The following PDAP1 variants were observed in gnomAD, a reference collection of about 807,000 sequenced individuals.
PDAP1 encodes 28 kDa heat- and acid-stable phosphoprotein.
A neutral mutation model predicts 28.0 loss-of-function variants in PDAP1; 13 were observed. The observed-to-expected ratio is 0.46, with a 90% CI of 0.30 to 0.74. The LOEUF is 0.74. Among genes scored for constraint, PDAP1 ranks in the 30% least tolerant of loss-of-function variants. The pLI is 0.07. For synonymous variants in PDAP1, 77 were observed against 85.1 expected, an observed-to-expected ratio of 0.91 and a Z score of 0.52; for missense variants, 150 against 230.0, an observed-to-expected ratio of 0.65 and a Z score of 2.25.
At chr7:99,404,740 C>G in intron 2 of PDAP1, 122 bp downstream of exon 2, 1 of 685,222 alleles carries the variant, frequency 1.5e-6, no homozygotes, top group East Asian at 2.7e-5. Context: ...TCACTGCCCG[C>G]CCGACCCCCA....
chr7:99,400,373 C>T lies in PDAP1; in HGVS notation c.265G>A (p.Val89Met). The T allele has an allele frequency of 6.2e-7, 1 of 1,614,094 alleles. No homozygotes were observed. Among genetic ancestry groups the T allele is most frequent in the Non-Finnish European group, 8.5e-7 (1 of 1,179,966 alleles). The change falls in exon 4 of 6, where the codon GTG (valine) becomes ATG (methionine). Residue 89 changes from valine to methionine, a missense_variant. By Grantham distance (21) the Val-to-Met change is conservative. Coordinates refer to ENST00000350498, the MANE Select transcript of PDAP1 (RefSeq NM_014891.7). ...GLIDIENPNR[V>M]AQTTKKVTQL... is the part of the protein sequence containing the mutation. ...GTGACCTTTTTGGTTGTCTGTGCCA[C>T]CCGGTTGGGGTTCTCGATGTCGATG... is the stretch of plus-strand genomic sequence containing the variant.
intron 3 of PDAP1, among the ~76,000 whole-genome samples, chr7:99,402,648 T>TGGGGCA (rs1794894122): frequency 6.7e-6 from 1 of 149,396 alleles, no homozygotes; most frequent in Non-Finnish European, 1.5e-5. Flanking sequence ...TTTGGGAGGC[T>TGGGGCA]GATGCGGGTG....
rs140429100 is a variant in PDAP1 at position 99,397,842 on chromosome 7, G to A, written c.487+20C>T. 0.017 allele frequency: 28,104 copies of A among 1,610,600 alleles called. 312 individuals are homozygous for A. The highest frequency in any genetic ancestry group is 0.02 in the Non-Finnish European group (23,324 of 1,179,018). On this transcript the variant is annotated intron_variant, in intron 5 of 5. Coordinates refer to ENST00000350498, the MANE Select transcript of PDAP1 (RefSeq NM_014891.7). ...GACCAGAGTTGGGGCCTGTCCCTGCGTGCGCAGCCCAGCCCTTACCTTTCC... is the reference window on the plus strand; with the variant it reads ...GACCAGAGTTGGGGCCTGTCCCTGCATGCGCAGCCCAGCCCTTACCTTTCC...
At position 99,396,670 on chromosome 7, in the gene PDAP1, C is replaced by G; in HGVS notation, c.*12G>C. On this transcript the variant is annotated 3_prime_UTR_variant, in exon 6 of 6. Coordinates refer to ENST00000350498, the MANE Select transcript of PDAP1 (RefSeq NM_014891.7). The stretch of plus-strand genomic sequence containing the variant: ...GGCCCAGGTCCCCGGCATCTCCTCC[C>G]ACGGGTCGCAGTTACTTATTCAGGG... 1.9e-6 allele frequency: 3 copies of G among 1,610,224 alleles called. No homozygotes were observed. The highest frequency in any genetic ancestry group is 2.5e-6 in the Non-Finnish European group (3 of 1,178,264).
chr7:99,400,049 C>CA (rs1478421813), intron 4 of PDAP1, among the ~76,000 whole-genome samples: 1 of 152,210 alleles, frequency 6.6e-6, no homozygotes, highest in African/African-American at 2.4e-5. Context: ...GAATGGAGGG[C>CA]AACCCTCTGT....
chr7:99,408,428 A>G (rs893534735), intron 1 of PDAP1, 108 bp downstream of exon 1: 3 of 1,030,154 alleles, frequency 2.9e-6, no homozygotes, highest in Non-Finnish European at 3.8e-6. Flanking sequence ...CGGTGCGGAC[A>G]GCCTCCCTCT....
In PDAP1 at chr7:99,398,516, ACT is replaced by A. The variant is rs1018069903; in HGVS notation, c.336-505_336-504del. Among the ~76,000 whole-genome samples the A allele has an allele frequency of 3.9e-5, 6 of 152,014 alleles. No individual in the cohort carries two copies. The South Asian group carries it at 8.3e-4, about 21-fold the overall frequency. The stretch of plus-strand genomic sequence containing the variant: ...AGACCTGCCTGGGCAATATAGCAAG[ACT>A]CTGTACAAAATAGAAAATTTAAAAA... On this transcript the variant is annotated intron_variant, in intron 4 of 5. Transcript: ENST00000350498.
At chr7:99,400,230 G>C (rs1794839064) in intron 4 of PDAP1, 73 bp downstream of exon 4, 1 of 1,544,294 alleles carries the variant, frequency 6.5e-7, no homozygotes, top group African/African-American at 1.4e-5. Context: ...CAGCCAGCTG[G>C]GGACCTTAGC....
intron 1 of PDAP1, among the ~76,000 whole-genome samples, chr7:99,406,923 G>A (rs1307612860): frequency 2.0e-5 from 3 of 152,248 alleles, no homozygotes; most frequent in South Asian, 2.1e-4. Context: ...CCTATTGTGA[G>A]AGAGCAAGTG....
At chr7:99,400,536 C>T (rs1794844612) in intron 3 of PDAP1, 112 bp from the exon 4 acceptor site, 1 of 1,212,148 alleles carries the variant, frequency 8.2e-7, no homozygotes, top group Non-Finnish European at 1.2e-6. Flanking sequence ...TCCTGCTCCA[C>T]CCCAGCCCAC....
chr7:99,400,205 A>C, intron 4 of PDAP1, 98 bp downstream of exon 4: 1 of 1,380,332 alleles, frequency 7.2e-7, no homozygotes, highest in African/African-American at 1.4e-5. Flanking sequence ...GACAGAAATA[A>C]ACAGCCACAG....
intron 3 of PDAP1, among the ~76,000 whole-genome samples, chr7:99,401,522 T>C (rs1009363433): frequency 3.3e-5 from 5 of 151,916 alleles, no homozygotes; most frequent in African/African-American, 1.2e-4. Flanking sequence ...ACAGGTTTTC[T>C]CCATGTTGGT....
At chr7:99,397,199 T>C (rs959540063) in intron 5 of PDAP1, among the ~76,000 whole-genome samples, 10 of 152,116 alleles carry the variant, frequency 6.6e-5, no homozygotes, top group African/African-American at 1.9e-4. Context: ...CCCTGAGCAA[T>C]TGGTTTCCCC....
At chr7:99,397,654 C>T (rs961310955) in intron 5 of PDAP1, among the ~76,000 whole-genome samples, 7 of 152,216 alleles carry the variant, frequency 4.6e-5, no homozygotes, top group Non-Finnish European at 7.3e-5. Context: ...CTTCAACCTA[C>T]ATCCGACCCC....
chr7:99,398,559 G>A (rs1449604097), intron 4 of PDAP1, among the ~76,000 whole-genome samples: 1 of 152,150 alleles, frequency 6.6e-6, no homozygotes. Context: ...CAGGTGTGGT[G>A]GCACACATGG....
At chr7:99,402,228 CAAA>C (rs765074891) in intron 3 of PDAP1, among the ~76,000 whole-genome samples, 3 of 47,142 alleles carry the variant, frequency 6.4e-5, no homozygotes, top group Admixed American at 2.5e-4. Flanking sequence ...CTCCATCTCC[CAAA>C]AAAAAAAAAA....
At chr7:99,405,759 C>T (rs899577731) in intron 1 of PDAP1, among the ~76,000 whole-genome samples, 5 of 152,098 alleles carry the variant, frequency 3.3e-5, no homozygotes, top group South Asian at 2.1e-4. Flanking sequence ...AAGCAGACTG[C>T]GAAACACCAC....
chr7:99,402,560 C>T (rs1410682552), intron 3 of PDAP1, among the ~76,000 whole-genome samples: 2 of 124,386 alleles, frequency 1.6e-5, no homozygotes, highest in African/African-American at 6.6e-5. Flanking sequence ...GGTGACAGAA[C>T]GAGACCCTGT....
At chr7:99,399,996 G>A (rs1306250775) in intron 4 of PDAP1, among the ~76,000 whole-genome samples, 1 of 152,232 alleles carries the variant, frequency 6.6e-6, no homozygotes, top group East Asian at 1.9e-4. Flanking sequence ...CAGATCAGTG[G>A]GGTAAGGGAA....
Sources: allele counts gnomAD v4.1 joint callset (sites outside exome capture counted in the v4.1 genomes callset), GRCh38; gene constraint gnomAD v4.1.1; transcripts MANE v1.5; gene names NCBI Gene and HGNC (gene_info 2026-07-23, HGNC 2026-07-21).